The following FYB1 variants were observed in gnomAD, a reference collection of about 807,000 sequenced individuals.
FYB1 encodes the protein FYN-binding protein 1.
A neutral mutation model predicts 94.1 loss-of-function variants in FYB1; 41 were observed. The ratio of observed to expected loss-of-function variants is 0.44; its 90% CI spans 0.34 to 0.57. The LOEUF (loss-of-function observed/expected upper bound fraction) is 0.57. FYB1 is among the 20% of genes least tolerant of loss of function. The pLI is 0.02. For missense variants in FYB1, 1,050 were observed against 976.8 expected (o/e 1.07, Z -1.00); for synonymous variants, 367 against 353.2 (o/e 1.04, Z -0.44).
chr5:39,148,381 GTTTTTTTTTTTTTTTTTTTTT>G (rs538508812), intron 3 of FYB1, among the ~76,000 whole-genome samples: 13 of 38,174 alleles, frequency 3.4e-4, no homozygotes, highest in South Asian at 2.1e-3. Flanking sequence ...TTATCAGCAG[GTTTTTTTTTTTTTTTTTTTTT>G]TTTTTTTTTT....
chr5:39,247,788 C>T (rs755306529), intron 1 of FYB1, among the ~76,000 whole-genome samples: 1 of 151,524 alleles, frequency 6.6e-6, no homozygotes, highest in African/African-American at 2.4e-5. Flanking sequence ...TAGTATATGC[C>T]AGCACCATAG....
chr5:39,201,478 A>T (rs1561253957), intron 2 of FYB1, among the ~76,000 whole-genome samples: 1 of 152,190 alleles, frequency 6.6e-6, no homozygotes, highest in Non-Finnish European at 1.5e-5. Flanking sequence ...CTCTGTGTTG[A>T]TAGGGGTAAC....
At chr5:39,124,145 T>C (rs1740397700) in intron 13 of FYB1, 108 bp downstream of exon 13, 1 of 759,634 alleles carries the variant, frequency 1.3e-6, no homozygotes, top group Non-Finnish European at 2.1e-6. Context: ...ACACAATTTA[T>C]TATTTTCAGA....
At chr5:39,209,276 C>T (rs995238311) in intron 1 of FYB1, among the ~76,000 whole-genome samples, 1 of 151,902 alleles carries the variant, frequency 6.6e-6, no homozygotes, top group African/African-American at 2.4e-5. Context: ...GCTCCTCTAT[C>T]GATAATAGAA....
chr5:39,201,605 C>A (rs1337414913), intron 2 of FYB1, among the ~76,000 whole-genome samples: 1 of 152,176 alleles, frequency 6.6e-6, no homozygotes, highest in African/African-American at 2.4e-5. Flanking sequence ...CTTCCCCCAA[C>A]AAAACCCCAG....
chr5:39,269,460 G>A (rs937362045), intron 1 of FYB1, among the ~76,000 whole-genome samples: 2 of 152,330 alleles, frequency 1.3e-5, no homozygotes, highest in African/African-American at 4.8e-5. Flanking sequence ...TACAGGTGTT[G>A]CCGCAGGCAG....
rs138473321 is a variant in FYB1, at chr5:39,189,897, C to T, written c.1135+11929G>A. Among the ~76,000 whole-genome samples, 281 of 152,306 alleles carry T rather than the reference C, an allele frequency of 1.8e-3. 2 individuals are homozygous for T. Among genetic ancestry groups the T allele is most frequent in the Non-Finnish European group, 3.6e-3 (247 of 68,028 alleles). On this transcript the variant is annotated intron_variant, in intron 2 of 18. Transcript: ENST00000512982. ...AGGTTATTGCAGTATAGCACAGGGTCAGGGGGGCAATCCCCAAACCCATCC... is the reference window on the plus strand; with the variant it reads ...AGGTTATTGCAGTATAGCACAGGGTTAGGGGGGCAATCCCCAAACCCATCC...
At chr5:39,161,948 A>T (rs1744282843) in intron 2 of FYB1, among the ~76,000 whole-genome samples, 1 of 152,228 alleles carries the variant, frequency 6.6e-6, no homozygotes, top group African/African-American at 2.4e-5. Flanking sequence ...AGAATCATAC[A>T]ATATGTGGTT....
At chr5:39,137,980 G>A in intron 6 of FYB1, 1 of 453,122 alleles carries the variant, frequency 2.2e-6, no homozygotes, top group Non-Finnish European at 4.0e-6. Context: ...GTTTATAGAG[G>A]CCCCATTCTT....
intron 2 of FYB1, among the ~76,000 whole-genome samples, chr5:39,196,190 A>G (rs964819476): frequency 1.4e-4 from 21 of 150,260 alleles, no homozygotes; most frequent in African/African-American, 5.2e-4. Flanking sequence ...AATAAATTCT[A>G]GTTAAATATA....
In FYB1 at chr5:39,119,015, G is replaced by A. The variant is rs778026379; in HGVS notation, c.2260C>T (p.Leu754=). ...KFKYDGEIRV[L]YSTKVTTSIT... ...GAAGTTGTAACTTTAGTTGAATATAGGACTCTAATTTCACCATCATACTAA... is the reference window on the plus strand; with the variant it reads ...GAAGTTGTAACTTTAGTTGAATATAAGACTCTAATTTCACCATCATACTAA... The change falls in exon 16 of 19, where the codon CTA becomes TTA. Residue 754 remains leucine (L), a synonymous_variant. Coordinates refer to ENST00000512982, the MANE Select transcript of FYB1 (RefSeq NM_001465.6). The A allele has an allele frequency of 2.8e-6, 4 of 1,438,312 alleles. No individual in the cohort carries two copies. Among genetic ancestry groups the A allele is most frequent in the Middle Eastern group, 2.0e-4 (1 of 4,882 alleles). 89.1% of individuals were successfully genotyped at this position (1,438,312 alleles called of 1,614,324 possible).
At chr5:39,148,154 TTTATA>T (rs1561175270) in intron 3 of FYB1, among the ~76,000 whole-genome samples, 30 of 41,920 alleles carry the variant, frequency 7.2e-4, no homozygotes, top group Non-Finnish European at 1.0e-3. Flanking sequence ...ATATGTATTT[TTTATA>T]TATATATATA....
intron 2 of FYB1, among the ~76,000 whole-genome samples, chr5:39,171,829 G>A (rs1416744750): frequency 3.9e-5 from 6 of 152,142 alleles, no homozygotes; most frequent in Admixed American, 6.5e-5. Context: ...CAAAGCATAC[G>A]TGGGCCAAAC....
intron 10 of FYB1, among the ~76,000 whole-genome samples, chr5:39,129,594 C>A (rs1741002922): frequency 6.6e-6 from 1 of 151,936 alleles, no homozygotes. Context: ...TATACAAAAA[C>A]TCAATCAATT....
intron 1 of FYB1, among the ~76,000 whole-genome samples, chr5:39,212,084 T>G (rs978469800): frequency 3.9e-5 from 6 of 152,088 alleles, no homozygotes; most frequent in African/African-American, 1.4e-4. Context: ...GGCAGGAGGA[T>G]TGCTTGAGGC....
chr5:39,220,098 G>C (rs908512298), upstream of FYB1, among the ~76,000 whole-genome samples: 3 of 152,100 alleles, frequency 2.0e-5, no homozygotes, highest in Middle Eastern at 3.2e-3. Context: ...GTATTTAGAT[G>C]ATAATCCATG....
chr5:39,190,789 TGTGAGA>T (rs1347256069), intron 2 of FYB1, among the ~76,000 whole-genome samples: 5 of 151,800 alleles, frequency 3.3e-5, no homozygotes, highest in South Asian at 4.2e-4. Flanking sequence ...TGTGTGTGTG[TGTGAGA>T]GAGAGATGTT....
At chr5:39,168,680 A>T (rs1448539524) in intron 2 of FYB1, among the ~76,000 whole-genome samples, 2 of 152,220 alleles carry the variant, frequency 1.3e-5, no homozygotes, top group Non-Finnish European at 2.9e-5. Flanking sequence ...TATTATAAAA[A>T]TTAAGTTAAA....
intron 1 of FYB1, among the ~76,000 whole-genome samples, chr5:39,230,762 G>A (rs1280523505): frequency 3.3e-5 from 5 of 151,336 alleles, no homozygotes; most frequent in African/African-American, 1.2e-4. Flanking sequence ...TGGCATCACG[G>A]TCTAATGACT....
Sources: allele counts gnomAD v4.1 joint callset (sites outside exome capture counted in the v4.1 genomes callset), GRCh38; gene constraint gnomAD v4.1.1; transcripts MANE v1.5; gene names NCBI Gene and HGNC (gene_info 2026-07-23, HGNC 2026-07-21).